Variants in MCCC1 observed in about 807,000 individuals in gnomAD.
The protein encoded by MCCC1 is methylcrotonyl-CoA carboxylase subunit 1.
In MCCC1, 64 loss-of-function variants were observed where a neutral mutation model predicts 83.8. The observed-to-expected ratio is 0.76, with a 90% CI of 0.62 to 0.94. MCCC1 has a LOEUF of 0.94. Ranked by LOEUF, MCCC1 falls within the 40% of genes least tolerant of loss-of-function variation. The pLI is 0.00. For missense variants in MCCC1, 807 were observed against 904.7 expected (o/e 0.89, Z 1.39); for synonymous variants, 322 against 315.4 (o/e 1.02, Z -0.22).
At chr3:183,036,326 CG>C (rs1560218246) in intron 13 of MCCC1, among the ~76,000 whole-genome samples, 2 of 151,906 alleles carry the variant, frequency 1.3e-5, no homozygotes, top group Non-Finnish European at 2.9e-5. Context: ...ATGGAAAAAG[CG>C]GAAGTAATTC....
intron 7 of MCCC1, among the ~76,000 whole-genome samples, chr3:183,060,925 G>A (rs934179714): frequency 3.9e-5 from 6 of 152,066 alleles, no homozygotes; most frequent in Non-Finnish European, 7.4e-5. Flanking sequence ...TTATGGCTGC[G>A]AGCATCTATT....
intron 4 of MCCC1, among the ~76,000 whole-genome samples, chr3:183,081,057 CA>C (rs1284815694): frequency 6.6e-6 from 1 of 152,184 alleles, no homozygotes; most frequent in Non-Finnish European, 1.5e-5. Flanking sequence ...TAACTAAAAA[CA>C]AAAGGAGCCA....
At chr3:183,081,095 G>A (rs79456945) in intron 4 of MCCC1, among the ~76,000 whole-genome samples, 9,945 of 152,214 alleles carry the variant, frequency 0.065, 501 homozygotes, top group African/African-American at 0.12. Context: ...AAATTCAGTC[G>A]TACACTCTGG....
chr3:183,109,766 T>C (rs181949658), intron 1 of MCCC1, among the ~76,000 whole-genome samples: 1 of 152,368 alleles, frequency 6.6e-6, no homozygotes, highest in East Asian at 1.9e-4. Flanking sequence ...TTTGGGTATA[T>C]ATCCGATAAT....
chr3:183,058,194 C>CG (rs1715566670), intron 7 of MCCC1, among the ~76,000 whole-genome samples: 1 of 152,062 alleles, frequency 6.6e-6, no homozygotes, highest in Non-Finnish European at 1.5e-5. Flanking sequence ...TTTTAAGCAA[C>CG]TCTTACAGTT....
At chr3:183,091,910 C>T (rs754107589) in intron 3 of MCCC1, among the ~76,000 whole-genome samples, 15 of 152,024 alleles carry the variant, frequency 9.9e-5, no homozygotes, top group Non-Finnish European at 1.8e-4. Flanking sequence ...TGGTGGAGGG[C>T]ACCTATAGTT....
chr3:183,055,659 G>A (rs1351357728), intron 8 of MCCC1, among the ~76,000 whole-genome samples: 1 of 152,144 alleles, frequency 6.6e-6, no homozygotes, highest in Non-Finnish European at 1.5e-5. Context: ...TGCTTGGGAG[G>A]CTGAGGTTAA....
chr3:183,034,701 CT>C (rs891446610), intron 13 of MCCC1, among the ~76,000 whole-genome samples: 6 of 151,886 alleles, frequency 4.0e-5, no homozygotes, highest in African/African-American at 1.4e-4. Flanking sequence ...CCAGTCTCTA[CT>C]ATTCACTATT....
At chr3:183,021,783 G>C (rs1712180104) in intron 16 of MCCC1, among the ~76,000 whole-genome samples, 1 of 152,162 alleles carries the variant, frequency 6.6e-6, no homozygotes, top group Non-Finnish European at 1.5e-5. Context: ...TTAATTACTA[G>C]ACTACTAAAG....
chr3:183,044,742 A>C (rs1367407581), intron 10 of MCCC1, among the ~76,000 whole-genome samples: 1 of 152,086 alleles, frequency 6.6e-6, no homozygotes, highest in Non-Finnish European at 1.5e-5. Context: ...CCTAGGGGGA[A>C]GTGAATCTGA....
intron 4 of MCCC1, 71 bp downstream of exon 4, chr3:183,086,622 C>T: frequency 2.2e-6 from 3 of 1,384,532 alleles, no homozygotes; most frequent in Non-Finnish European, 3.1e-6. Flanking sequence ...TAGAAAATTT[C>T]TATAAGTAAC....
chr3:183,061,527 C>G (rs1352341970), intron 7 of MCCC1, among the ~76,000 whole-genome samples: 2 of 152,284 alleles, frequency 1.3e-5, no homozygotes, highest in East Asian at 3.9e-4. Context: ...TGGGAGGTCC[C>G]TCTAAGACAG....
intron 1 of MCCC1, among the ~76,000 whole-genome samples, chr3:183,097,903 CT>C (rs946900297): frequency 6.0e-5 from 9 of 149,778 alleles, no homozygotes; most frequent in South Asian, 2.1e-4. Flanking sequence ...CTTACACCAA[CT>C]TTTTTTTTTA....
chr3:183,054,746 G>A (rs1333170027), intron 8 of MCCC1, among the ~76,000 whole-genome samples: 1 of 152,070 alleles, frequency 6.6e-6, no homozygotes, highest in Non-Finnish European at 1.5e-5. Context: ...AAATCTTGCA[G>A]GCTCCATTCA....
intron 3 of MCCC1, among the ~76,000 whole-genome samples, chr3:183,088,321 C>T (rs1182990388): frequency 6.6e-6 from 1 of 151,846 alleles, no homozygotes; most frequent in African/African-American, 2.4e-5. Context: ...ATTCTCCTGC[C>T]TCAGCCTCCC....
intron 11 of MCCC1, 68 bp from the exon 12 acceptor site, chr3:183,039,203 C>T: frequency 2.1e-6 from 3 of 1,419,614 alleles, no homozygotes; most frequent in South Asian, 1.2e-5. Context: ...ACGAGCAAGA[C>T]ATTTTGTTAT....
intron 1 of MCCC1, among the ~76,000 whole-genome samples, chr3:183,097,728 T>C (rs1397378164): frequency 6.6e-6 from 1 of 152,138 alleles, no homozygotes; most frequent in Non-Finnish European, 1.5e-5. Context: ...CTATAAGCCA[T>C]TAACAACTCT....
At chr3:183,101,172 A>G (rs1719254105), upstream of MCCC1, among the ~76,000 whole-genome samples, 4 of 152,186 alleles carry the variant, frequency 2.6e-5, no homozygotes, top group South Asian at 6.2e-4. Context: ...CCATGCCTGA[A>G]CCTCCCACCC....
chr3:183,050,016 A>G (rs919245268), intron 9 of MCCC1, among the ~76,000 whole-genome samples: 1 of 152,140 alleles, frequency 6.6e-6, no homozygotes, highest in African/African-American at 2.4e-5. Flanking sequence ...GCTACTTGGG[A>G]GGCTGAGGTG....
Sources: gnomAD v4.1 joint callset for allele counts (sites outside exome capture counted in the v4.1 genomes callset) on GRCh38, gnomAD v4.1.1 for gene constraint, MANE v1.5 for transcripts, NCBI Gene and HGNC (gene_info 2026-07-23, HGNC 2026-07-21) for gene names.